Variants in CTNNA2 observed in about 807,000 individuals in gnomAD.
The protein encoded by CTNNA2 is catenin alpha 2.
In CTNNA2, 42 loss-of-function variants were observed where a neutral mutation model predicts 101.0. The ratio of observed to expected loss-of-function variants is 0.42; its 90% CI spans 0.32 to 0.54. The LOEUF is 0.54. CTNNA2 is among the 20% of genes least tolerant of loss of function. The pLI is 0.14. For synonymous variants in CTNNA2, 450 were observed against 456.4 expected, an observed-to-expected ratio of 0.99 and a Z score of 0.18; for missense variants, 871 against 1,223.1, an observed-to-expected ratio of 0.71 and a Z score of 4.29.
chr2:79,292,374 A>G (rs1373776223), intron 2 of CTNNA2, among the ~76,000 whole-genome samples: 1 of 152,198 alleles, frequency 6.6e-6, no homozygotes, highest in East Asian at 1.9e-4. Context: ...CTGAGAGCTG[A>G]GAGAGTTCCA....
chr2:80,448,401 G>A (rs554881068), intron 9 of CTNNA2, among the ~76,000 whole-genome samples: 1 of 152,204 alleles, frequency 6.6e-6, no homozygotes, highest in East Asian at 1.9e-4. Context: ...TTTCTGAGGA[G>A]CATTCAGCAA....
At chr2:80,417,652 CTAATT>C (rs1490321948) in intron 8 of CTNNA2, among the ~76,000 whole-genome samples, 3 of 151,330 alleles carry the variant, frequency 2.0e-5, no homozygotes, top group African/African-American at 7.3e-5. Context: ...TTTTCTTATT[CTAATT>C]TATCATGTTC....
intron 3 of CTNNA2, among the ~76,000 whole-genome samples, chr2:79,824,915 G>T (rs74781011): frequency 6.6e-6 from 1 of 152,072 alleles, no homozygotes; most frequent in Non-Finnish European, 1.5e-5. Flanking sequence ...TTAGTGCCAG[G>T]CATAGTAGTT....
chr2:80,346,389 C>T (rs550678332), intron 7 of CTNNA2, among the ~76,000 whole-genome samples: 1 of 152,238 alleles, frequency 6.6e-6, no homozygotes, highest in South Asian at 2.1e-4. Flanking sequence ...AGGTGCCACA[C>T]ACTTTTAAAT....
At chr2:79,316,493 G>A (rs1454512434) in intron 3 of CTNNA2, among the ~76,000 whole-genome samples, 1 of 151,988 alleles carries the variant, frequency 6.6e-6, no homozygotes. Context: ...TGTTGAATCT[G>A]TAGATCAGTT....
chr2:79,784,706 A>G (rs1265194842), intron 3 of CTNNA2, among the ~76,000 whole-genome samples: 2 of 151,812 alleles, frequency 1.3e-5, no homozygotes, highest in Non-Finnish European at 2.9e-5. Context: ...CTCAGAATTT[A>G]TATGTAGAAT....
At chr2:79,536,686 T>TTTTTTC (rs71385281) in intron 1 of CTNNA2, among the ~76,000 whole-genome samples, 63 of 140,030 alleles carry the variant, frequency 4.5e-4, no homozygotes, top group Middle Eastern at 3.5e-3. Context: ...ATGGATTTTT[T>TTTTTTC]TTTTCTTTTC....
chr2:80,250,345 A>C (rs1671670378), intron 7 of CTNNA2, among the ~76,000 whole-genome samples: 1 of 152,166 alleles, frequency 6.6e-6, no homozygotes, highest in Admixed American at 6.5e-5. Context: ...ATATTCCTTT[A>C]GGAGTTATTA....
chr2:80,591,818 T>C (rs899522576), intron 15 of CTNNA2, among the ~76,000 whole-genome samples: 2 of 152,128 alleles, frequency 1.3e-5, no homozygotes, highest in African/African-American at 4.8e-5. Flanking sequence ...ATTCACTCCA[T>C]TGTTATTAAA....
chr2:79,390,356 T>C (rs1382033047), intron 4 of CTNNA2, among the ~76,000 whole-genome samples: 1 of 152,204 alleles, frequency 6.6e-6, no homozygotes. Flanking sequence ...CTTTGTGACA[T>C]ATGAATTCAC....
intron 7 of CTNNA2, among the ~76,000 whole-genome samples, chr2:79,996,098 A>C (rs1248193571): frequency 6.6e-6 from 1 of 152,210 alleles, no homozygotes; most frequent in Non-Finnish European, 1.5e-5. Context: ...GATGTCAGTG[A>C]AACACCTAAG....
chr2:79,304,428 C>G (rs567206916), intron 2 of CTNNA2, among the ~76,000 whole-genome samples: 6 of 152,116 alleles, frequency 3.9e-5, no homozygotes, highest in African/African-American at 1.2e-4. Flanking sequence ...ATGCAATTTC[C>G]ACTCTGGTGT....
At chr2:79,683,475 C>T (rs1304319559) in intron 2 of CTNNA2, among the ~76,000 whole-genome samples, 1 of 152,220 alleles carries the variant, frequency 6.6e-6, no homozygotes, top group Non-Finnish European at 1.5e-5. Flanking sequence ...AAAACACCTA[C>T]TGGCCTCTTT....
At chr2:79,304,852 A>C (rs2104393777) in intron 2 of CTNNA2, among the ~76,000 whole-genome samples, 1 of 152,336 alleles carries the variant, frequency 6.6e-6, no homozygotes, top group Admixed American at 6.5e-5. Flanking sequence ...CTGGACAGTG[A>C]GGCATGAAGA....
At chr2:79,233,278 G>A (rs1417235078) in intron 2 of CTNNA2, among the ~76,000 whole-genome samples, 1 of 152,044 alleles carries the variant, frequency 6.6e-6, no homozygotes, top group Non-Finnish European at 1.5e-5. Context: ...AATTTCAAAT[G>A]ATTTTTTACT....
At chr2:79,457,327 T>G (rs1446051772) in intron 4 of CTNNA2, among the ~76,000 whole-genome samples, 5 of 152,180 alleles carry the variant, frequency 3.3e-5, no homozygotes, top group Admixed American at 6.5e-5. Context: ...CTTTCCAAAG[T>G]CCACAGCAAA....
chr2:79,446,040 G>C (rs895753595), intron 4 of CTNNA2, among the ~76,000 whole-genome samples: 1 of 152,026 alleles, frequency 6.6e-6, no homozygotes, highest in Admixed American at 6.6e-5. Context: ...TTGGGCTCTG[G>C]AATCAAACTC....
intron 3 of CTNNA2, among the ~76,000 whole-genome samples, chr2:79,812,147 T>C (rs1187763391): frequency 1.3e-5 from 2 of 152,222 alleles, no homozygotes; most frequent in Non-Finnish European, 2.9e-5. Context: ...TGTAGATTCT[T>C]TGAGATTTTT....
intron 7 of CTNNA2, among the ~76,000 whole-genome samples, chr2:80,168,868 T>C (rs554852801): frequency 6.6e-6 from 1 of 152,304 alleles, no homozygotes; most frequent in African/African-American, 2.4e-5. Context: ...CCAACCCAGT[T>C]GATTCCCGCA....
Sources: allele counts gnomAD v4.1 joint callset (sites outside exome capture counted in the v4.1 genomes callset), GRCh38; gene constraint gnomAD v4.1.1; transcripts MANE v1.5; gene names NCBI Gene and HGNC (gene_info 2026-07-23, HGNC 2026-07-21).